ARRB1: variants seen among roughly 807,000 people sequenced by gnomAD.
ARRB1 encodes beta-arrestin-1.
In ARRB1, 21 loss-of-function variants were observed where a neutral mutation model predicts 56.8. The ratio of observed to expected loss-of-function variants is 0.37; its 90% CI spans 0.26 to 0.53. The LOEUF (loss-of-function observed/expected upper bound fraction) is 0.53. Ranked by LOEUF, ARRB1 falls within the 20% of genes least tolerant of loss-of-function variation. ARRB1 has a pLI of 0.88. For synonymous variants in ARRB1, 210 were observed against 218.6 expected, an observed-to-expected ratio of 0.96 and a Z score of 0.35; for missense variants, 424 against 553.7, an observed-to-expected ratio of 0.77 and a Z score of 2.35.
At chr11:75,272,645 AGAG>A in intron 12 of ARRB1, 32 of 494,850 alleles carry the variant, frequency 6.5e-5, no homozygotes, top group Non-Finnish European at 8.5e-5. Flanking sequence ...GACCTAGGAT[AGAG>A]GAGGAGGAGA....
chr11:75,266,123 A>G lies in ARRB1; in HGVS notation c.*40T>C, dbSNP rs376462324. ...AGACGAGTAAGCATCCGAGTGCACG[A>G]GAGTGGAGCCGGAGCCACGTGGAGG... On this transcript the variant is annotated 3_prime_UTR_variant, in exon 16 of 16. Coordinates refer to ENST00000420843, the MANE Select transcript of ARRB1 (RefSeq NM_004041.5). The G allele has an allele frequency of 1.7e-4, 259 of 1,490,064 alleles. No individual in the cohort carries two copies. Among genetic ancestry groups the G allele is most frequent in the Non-Finnish European group, 2.3e-4 (248 of 1,067,248 alleles). 92.3% of individuals were successfully genotyped at this position (1,490,064 alleles called of 1,614,324 possible).
chr11:75,290,843 G>C (rs900681324), intron 1 of ARRB1, among the ~76,000 whole-genome samples: 2 of 152,178 alleles, frequency 1.3e-5, no homozygotes, highest in Admixed American at 1.3e-4. Flanking sequence ...GGACTCAAGC[G>C]ATCTGCCCAC....
At chr11:75,277,852 C>A (rs1946234661) in intron 8 of ARRB1, among the ~76,000 whole-genome samples, 1 of 152,232 alleles carries the variant, frequency 6.6e-6, no homozygotes, top group South Asian at 2.1e-4. Flanking sequence ...ACAATAACAA[C>A]AATAACATTG....
intron 1 of ARRB1, among the ~76,000 whole-genome samples, chr11:75,350,187 A>G (rs1441920640): frequency 6.6e-6 from 1 of 152,212 alleles, no homozygotes; most frequent in Non-Finnish European, 1.5e-5. Flanking sequence ...AGAGTCTTAG[A>G]TGGCAGTGGG....
At chr11:75,313,773 G>A (rs1044516300) in intron 1 of ARRB1, among the ~76,000 whole-genome samples, 1 of 152,146 alleles carries the variant, frequency 6.6e-6, no homozygotes, top group African/African-American at 2.4e-5. Context: ...AAGGAAAATT[G>A]GTCCCCCGGG....
At chr11:75,268,534 AAAG>A (rs1554971562) in intron 14 of ARRB1, among the ~76,000 whole-genome samples, 6 of 145,416 alleles carry the variant, frequency 4.1e-5, no homozygotes, top group Admixed American at 1.4e-4. Flanking sequence ...AAAAAAAAAA[AAAG>A]AAGAAGAAAA....
intron 6 of ARRB1, 70 bp downstream of exon 6, chr11:75,281,892 G>T: frequency 6.6e-7 from 1 of 1,525,700 alleles, no homozygotes; most frequent in Non-Finnish European, 9.1e-7. Flanking sequence ...CACCTCCCAG[G>T]GAGAAAGCCA....
intron 2 of ARRB1, among the ~76,000 whole-genome samples, chr11:75,288,523 T>G (rs1946533980): frequency 6.6e-6 from 1 of 152,192 alleles, no homozygotes; most frequent in African/African-American, 2.4e-5. Flanking sequence ...CAGCCACTCC[T>G]GCCTAGACCA....
chr11:75,268,510 CAAAAAAAAAAAA>C (rs61409833), intron 14 of ARRB1, among the ~76,000 whole-genome samples: 13 of 61,428 alleles, frequency 2.1e-4, no homozygotes, highest in African/African-American at 3.7e-4. Context: ...GTCTCAAAAC[CAAAAAAAAAAAA>C]AAAAAAAAAA....
intron 13 of ARRB1, among the ~76,000 whole-genome samples, chr11:75,269,845 T>A (rs145707108): frequency 1.1e-4 from 17 of 152,336 alleles, no homozygotes; most frequent in African/African-American, 3.8e-4. Context: ...GATCACTGTG[T>A]GACAGTAGCA....
At position 75,291,404 on chromosome 11, in the gene ARRB1, A is replaced by G. The variant is rs951914139; in HGVS notation, c.21-1365T>C. 6.6e-4 allele frequency among the ~76,000 whole-genome samples: 100 copies of G among 152,200 alleles called. 1 individual carries two copies. The highest frequency in any genetic ancestry group is 1.3e-3 in the Non-Finnish European group (89 of 68,022). On this transcript the variant is annotated intron_variant, in intron 1 of 15. Transcript: ENST00000420843. ...CAATAAACATTAGTTGAACAGGTGA[A>G]TGAATGAATGAATGAGTGAAGGAAT... is the stretch of plus-strand genomic sequence containing the variant.
In ARRB1 at chr11:75,348,227, A is replaced by G. The variant is rs1251155532; in HGVS notation, c.20+3361T>C. On this transcript the variant is annotated intron_variant, in intron 1 of 15. Transcript: ENST00000420843. ...TTGCTTCCTGCCTCCAAGCCACTGC[A>G]CATTCTGCACCCTTGGCCAGAAATA... 5.9e-5 allele frequency among the ~76,000 whole-genome samples: 9 copies of G among 152,302 alleles called. 1 individual carries two copies. In the South Asian group the frequency reaches 1.7e-3, roughly 28 times the overall value.
chr11:75,274,255 C>T, intron 10 of ARRB1, 44 bp from the exon 11 acceptor site: 1 of 1,607,520 alleles, frequency 6.2e-7, no homozygotes, highest in Non-Finnish European at 8.5e-7. Flanking sequence ...CTCCCCAGAG[C>T]CAACCCCAGC....
In ARRB1 at chr11:75,351,145, G is replaced by A. The variant is rs183308351; in HGVS notation, c.20+443C>T. ...TGGTGTGTGTTGGATTGTGAGCTGT[G>A]CATGCCAACAAGGCTGTCAGCAAGA... On this transcript the variant is annotated intron_variant, in intron 1 of 15. Coordinates refer to ENST00000420843, the MANE Select transcript of ARRB1 (RefSeq NM_004041.5). Among the ~76,000 whole-genome samples, 800 of 152,346 alleles carry A rather than the reference G, an allele frequency of 5.3e-3. 4 individuals are homozygous for A. Among genetic ancestry groups the A allele is most frequent in the Non-Finnish European group, 7.9e-3 (536 of 68,016 alleles).
intron 1 of ARRB1, among the ~76,000 whole-genome samples, chr11:75,324,886 C>T (rs543561941): frequency 1.6e-4 from 25 of 152,218 alleles, no homozygotes; most frequent in African/African-American, 6.0e-4. Flanking sequence ...ACCCCCACCC[C>T]TGTCCCTGGG....
chr11:75,267,202 T>G (rs1331281717), intron 15 of ARRB1, among the ~76,000 whole-genome samples: 1 of 152,156 alleles, frequency 6.6e-6, no homozygotes. Context: ...CACTGTCCGG[T>G]GACTCGATGG....
chr11:75,338,240 G>T (rs1460397893), intron 1 of ARRB1, among the ~76,000 whole-genome samples: 1 of 152,196 alleles, frequency 6.6e-6, no homozygotes, highest in African/African-American at 2.4e-5. Flanking sequence ...AGAATGACCA[G>T]ATGTGAATTT....
chr11:75,322,225 C>T (rs762253574), intron 1 of ARRB1, among the ~76,000 whole-genome samples: 3 of 152,180 alleles, frequency 2.0e-5, no homozygotes, highest in Non-Finnish European at 2.9e-5. Context: ...CAAAACAAAA[C>T]CAAACCTACC....
chr11:75,297,303 C>T (rs2140453901), intron 1 of ARRB1, among the ~76,000 whole-genome samples: 1 of 151,136 alleles, frequency 6.6e-6, no homozygotes, highest in East Asian at 1.9e-4. Flanking sequence ...TTAGAAGACT[C>T]ACACTTCCCA....
Sources: allele counts gnomAD v4.1 joint callset (sites outside exome capture counted in the v4.1 genomes callset), GRCh38; gene constraint gnomAD v4.1.1; transcripts MANE v1.5; gene names NCBI Gene and HGNC (gene_info 2026-07-23, HGNC 2026-07-21).